PTPRD: variants seen among roughly 807,000 people sequenced by gnomAD.
PTPRD encodes the protein receptor-type tyrosine-protein phosphatase delta.
PTPRD carries 34 observed loss-of-function variants against 214.5 expected under a neutral mutation model. That is an observed-to-expected ratio of 0.16 (90% CI 0.12 to 0.21). PTPRD has a LOEUF of 0.21. PTPRD is among the 10% of genes least tolerant of loss of function. PTPRD has a pLI of 1.00. For synonymous variants in PTPRD, 1,128 were observed against 845.7 expected, an observed-to-expected ratio of 1.33 and a Z score of -5.79; for missense variants, 2,545 against 2,398.7, an observed-to-expected ratio of 1.06 and a Z score of -1.27.
chr9:8,463,418 T>C (rs1415044425), intron 32 of PTPRD, among the ~76,000 whole-genome samples: 2 of 151,776 alleles, frequency 1.3e-5, no homozygotes, highest in South Asian at 2.1e-4. Context: ...ATAATTGTTT[T>C]GGTTTATGCT....
At chr9:8,474,074 G>T (rs2096714129) in intron 30 of PTPRD, among the ~76,000 whole-genome samples, 1 of 152,114 alleles carries the variant, frequency 6.6e-6, no homozygotes. Context: ...TCATATGGCA[G>T]CTGTGGATCT....
intron 7 of PTPRD, among the ~76,000 whole-genome samples, chr9:9,616,861 A>G (rs905749237): frequency 6.6e-6 from 1 of 152,186 alleles, no homozygotes; most frequent in Non-Finnish European, 1.5e-5. Context: ...ATTTGATTGC[A>G]CTATGGTCTG....
intron 9 of PTPRD, among the ~76,000 whole-genome samples, chr9:9,193,167 T>C (rs973424389): frequency 3.9e-5 from 6 of 152,152 alleles, no homozygotes; most frequent in African/African-American, 1.4e-4. Context: ...TTTTATATTT[T>C]TATTTCTGGT....
rs2097042021 is a variant in PTPRD, at chr9:8,820,813, A to G, written c.-103-86867T>C. ...AAGAGTAGAGTCACAGAATACCTCTATATTATGTTCCACTATCCCTTTACA... is the reference window on the plus strand; with the variant it reads ...AAGAGTAGAGTCACAGAATACCTCTGTATTATGTTCCACTATCCCTTTACA... On this transcript the variant is annotated intron_variant, in intron 11 of 45. Transcript: ENST00000381196. Among the ~76,000 whole-genome samples the G allele has an allele frequency of 2.0e-5, 3 of 152,096 alleles. 1 individual carries two copies. Among genetic ancestry groups the G allele is most frequent in the African/African-American group, 7.2e-5 (3 of 41,432 alleles).
chr9:8,672,044 C>T (rs2097298432), intron 12 of PTPRD, among the ~76,000 whole-genome samples: 1 of 152,092 alleles, frequency 6.6e-6, no homozygotes, highest in African/African-American at 2.4e-5. Context: ...ACTAAATTAC[C>T]AGTTAAGGCT....
intron 2 of PTPRD, among the ~76,000 whole-genome samples, chr9:10,365,715 G>C (rs1319089011): frequency 6.6e-6 from 1 of 151,784 alleles, no homozygotes; most frequent in Non-Finnish European, 1.5e-5. Context: ...TTTAACCAAT[G>C]GTTTTCTATT....
intron 3 of PTPRD, among the ~76,000 whole-genome samples, chr9:10,290,516 T>C (rs1014834883): frequency 6.6e-6 from 1 of 152,156 alleles, no homozygotes; most frequent in African/African-American, 2.4e-5. Context: ...CTCTTTTACT[T>C]TCCTCCATAT....
chr9:10,208,358 C>CA (rs778758315), intron 3 of PTPRD, among the ~76,000 whole-genome samples: 7 of 152,178 alleles, frequency 4.6e-5, no homozygotes, highest in African/African-American at 9.6e-5. Flanking sequence ...ACTAAAAATA[C>CA]AAAAAATTAG....
rs554107360 is a variant in PTPRD at position 8,724,910 on chromosome 9, C to T, written c.64+8870G>A. ...CCGAGATCGCGTCACTGCACTCCAG[C>T]CTGGATAACAGAGTGAGACCCTGTG... On this transcript the variant is annotated intron_variant, in intron 12 of 45. Transcript: ENST00000381196. Among the ~76,000 whole-genome samples, 134 of 152,196 alleles carry T rather than the reference C, an allele frequency of 8.8e-4. 1 individual carries two copies. Among genetic ancestry groups the T allele is most frequent in the African/African-American group, 3.1e-3 (129 of 41,526 alleles).
At chr9:9,464,512 G>C (rs1007570984) in intron 8 of PTPRD, among the ~76,000 whole-genome samples, 23 of 151,980 alleles carry the variant, frequency 1.5e-4, no homozygotes, top group African/African-American at 5.6e-4. Context: ...TTAAAATTAA[G>C]GCCTTTCTAT....
chr9:9,617,792 GC>G (rs1432974477), intron 7 of PTPRD, among the ~76,000 whole-genome samples: 3 of 151,802 alleles, frequency 2.0e-5, no homozygotes, highest in Non-Finnish European at 2.9e-5. Flanking sequence ...ATGATTTTGG[GC>G]CCGGCGCGGT....
chr9:9,263,346 T>C (rs73390812), intron 9 of PTPRD, among the ~76,000 whole-genome samples: 2,551 of 151,776 alleles, frequency 0.017, 67 homozygotes, highest in African/African-American at 0.059. Context: ...CACCTTCTTC[T>C]CATCTAAAAC....
chr9:9,731,710 CA>C (rs1170884709), intron 7 of PTPRD, among the ~76,000 whole-genome samples: 1 of 150,542 alleles, frequency 6.6e-6, no homozygotes, highest in African/African-American at 2.5e-5. Context: ...ATCACAAGGA[CA>C]AAAAACCGAA....
At chr9:9,304,977 G>A (rs1006676675) in intron 9 of PTPRD, among the ~76,000 whole-genome samples, 2 of 145,640 alleles carry the variant, frequency 1.4e-5, no homozygotes, top group African/African-American at 2.6e-5. Context: ...TCTAGTTGCC[G>A]AACTGTGCTT....
At chr9:10,004,509 G>A (rs1347125495) in intron 4 of PTPRD, among the ~76,000 whole-genome samples, 3 of 151,502 alleles carry the variant, frequency 2.0e-5, no homozygotes, top group African/African-American at 7.3e-5. Flanking sequence ...TTACCCACCG[G>A]TCAAGAGAAT....
chr9:8,612,185 T>C (rs1461415457), intron 14 of PTPRD, among the ~76,000 whole-genome samples: 2 of 152,172 alleles, frequency 1.3e-5, no homozygotes, highest in Non-Finnish European at 2.9e-5. Flanking sequence ...TCCAGAAAGA[T>C]GATATTTCAA....
intron 7 of PTPRD, among the ~76,000 whole-genome samples, chr9:9,579,735 G>C (rs901201439): frequency 1.3e-5 from 2 of 152,112 alleles, no homozygotes; most frequent in African/African-American, 2.4e-5. Context: ...AGGGGTATAA[G>C]TATAATTTGG....
At chr9:9,077,356 T>A (rs2099752790) in intron 10 of PTPRD, among the ~76,000 whole-genome samples, 1 of 152,070 alleles carries the variant, frequency 6.6e-6, no homozygotes, top group African/African-American at 2.4e-5. Context: ...AGAAGCAGAA[T>A]GGGGATGAAT....
Position 9,077,042 on chromosome 9 carries a change from C to T in PTPRD, c.-142-58307G>A, listed in dbSNP as rs182440189. 2.1e-3 allele frequency among the ~76,000 whole-genome samples: 313 copies of T among 152,048 alleles called. 2 individuals are homozygous for T. The highest frequency in any genetic ancestry group is 7.1e-3 in the African/African-American group (294 of 41,494). ...TATTGCAGTTTTGATTTGCATTTCT[C>T]TGATGGTCAATGATGTTGAGCACCT... On this transcript the variant is annotated intron_variant, in intron 10 of 45. Transcript: ENST00000381196.
Sources: allele counts gnomAD v4.1 joint callset (sites outside exome capture counted in the v4.1 genomes callset), GRCh38; gene constraint gnomAD v4.1.1; transcripts MANE v1.5; gene names NCBI Gene and HGNC (gene_info 2026-07-23, HGNC 2026-07-21).